Variants in MRTFB observed in about 807,000 individuals in gnomAD.
The protein encoded by MRTFB is myocardin related transcription factor B.
Under a neutral mutation model 104.2 loss-of-function variants are expected in MRTFB, and 29 were observed. The ratio of observed to expected loss-of-function variants is 0.28; its 90% CI spans 0.21 to 0.38. The LOEUF (loss-of-function observed/expected upper bound fraction) is 0.38. Among genes scored for constraint, MRTFB ranks in the 10% least tolerant of loss-of-function variants. The pLI, the probability that MRTFB is intolerant of heterozygous loss-of-function variation, is 1.00. For synonymous variants in MRTFB, 535 were observed against 519.5 expected (o/e 1.03, Z -0.41); for missense variants, 1,270 against 1,341.6 (o/e 0.95, Z 0.83).
chr16:14,253,421 TC>T (rs2043338729), intron 15 of MRTFB, among the ~76,000 whole-genome samples: 1 of 152,112 alleles, frequency 6.6e-6, no homozygotes, highest in African/African-American at 2.4e-5. Context: ...TTGTACCAGT[TC>T]TCCCGCTCCC....
intron 2 of MRTFB, among the ~76,000 whole-genome samples, chr16:14,085,271 C>A (rs541024837): frequency 6.6e-6 from 1 of 151,800 alleles, no homozygotes; most frequent in East Asian, 1.9e-4. Flanking sequence ...GCCTGGCCAA[C>A]ATGGTGGAAC....
intron 3 of MRTFB, chr16:14,195,376 A>T: frequency 3.5e-6 from 1 of 283,782 alleles, no homozygotes; most frequent in Non-Finnish European, 5.3e-6. Context: ...CACACAAGTT[A>T]TGGCAGTTCT....
intron 7 of MRTFB, 117 bp downstream of exon 7, chr16:14,217,404 A>G: frequency 1.2e-6 from 1 of 802,206 alleles, no homozygotes; most frequent in Non-Finnish European, 1.9e-6. Flanking sequence ...TGGGTTAATT[A>G]GAAATTAACA....
At chr16:14,121,172 G>T (rs1429397760) in intron 2 of MRTFB, among the ~76,000 whole-genome samples, 1 of 148,572 alleles carries the variant, frequency 6.7e-6, no homozygotes, top group East Asian at 2.0e-4. Flanking sequence ...CTGGTTCTTA[G>T]CATTGTCATT....
chr16:14,126,852 G>A (rs1449769436), intron 2 of MRTFB, among the ~76,000 whole-genome samples: 1 of 152,128 alleles, frequency 6.6e-6, no homozygotes, highest in Non-Finnish European at 1.5e-5. Context: ...CTAATTTGAC[G>A]AGATCTCTCC....
chr16:14,089,946 C>T (rs1414908879), intron 2 of MRTFB, among the ~76,000 whole-genome samples: 2 of 152,136 alleles, frequency 1.3e-5, no homozygotes, highest in African/African-American at 4.8e-5. Context: ...GAAATACCTA[C>T]TCAAATTATT....
At chr16:14,220,148 CCA>C (rs1396073674) in intron 8 of MRTFB, among the ~76,000 whole-genome samples, 3 of 152,106 alleles carry the variant, frequency 2.0e-5, no homozygotes, top group Non-Finnish European at 2.9e-5. Flanking sequence ...AGTGACCAAC[CCA>C]CAGTCTGAGG....
chr16:13,999,439 T>C, the MRTFB span, among the ~76,000 whole-genome samples: 1 of 144,792 alleles, frequency 6.9e-6, no homozygotes, highest in Non-Finnish European at 1.5e-5. Flanking sequence ...GGCTCTGGGA[T>C]GGGCACAGAA....
intron 3 of MRTFB, among the ~76,000 whole-genome samples, chr16:14,195,011 C>T (rs1164189472): frequency 6.6e-6 from 1 of 152,172 alleles, no homozygotes; most frequent in Non-Finnish European, 1.5e-5. Context: ...TGCACACAGG[C>T]TGGCAATTTC....
intron 3 of MRTFB, among the ~76,000 whole-genome samples, chr16:14,162,524 T>C (rs1427508564): frequency 3.9e-5 from 6 of 152,216 alleles, no homozygotes; most frequent in Middle Eastern, 3.2e-3. Flanking sequence ...ATTGTAATAC[T>C]TCACACAGTG....
chr16:14,161,337 C>G (rs953681514), intron 3 of MRTFB, among the ~76,000 whole-genome samples: 2 of 151,920 alleles, frequency 1.3e-5, no homozygotes, highest in Non-Finnish European at 2.9e-5. Flanking sequence ...TATTCAGTCA[C>G]CTGATTCATT....
the MRTFB span, among the ~76,000 whole-genome samples, chr16:14,003,311 C>T: frequency 6.6e-6 from 1 of 151,814 alleles, no homozygotes; most frequent in Non-Finnish European, 1.5e-5. Flanking sequence ...AGAAATGGTC[C>T]TGTCACTTCT....
At chr16:14,124,124 G>C (rs1451794297) in intron 2 of MRTFB, among the ~76,000 whole-genome samples, 1 of 152,194 alleles carries the variant, frequency 6.6e-6, no homozygotes, top group Non-Finnish European at 1.5e-5. Context: ...TGTATCCTGA[G>C]ACTTTGCTGA....
At chr16:14,255,636 A>G (rs2043446225) in intron 15 of MRTFB, among the ~76,000 whole-genome samples, 2 of 152,214 alleles carry the variant, frequency 1.3e-5, no homozygotes, top group African/African-American at 4.8e-5. Context: ...AGTGTATAGC[A>G]TGTGTAGACA....
chr16:14,074,940 T>C (rs2033946068), intron 1 of MRTFB, among the ~76,000 whole-genome samples: 1 of 152,244 alleles, frequency 6.6e-6, no homozygotes, highest in Admixed American at 6.5e-5. Context: ...GAAGAGCAGA[T>C]GGTGTGGTTA....
At chr16:14,252,141 C>T in intron 14 of MRTFB, 118 bp downstream of exon 14, 1 of 1,295,498 alleles carries the variant, frequency 7.7e-7, no homozygotes, top group Non-Finnish European at 1.1e-6. Context: ...GTTGAAAATA[C>T]AGTGATAACT....
chr16:14,212,674 T>C (rs781376455), intron 5 of MRTFB, among the ~76,000 whole-genome samples: 7 of 152,214 alleles, frequency 4.6e-5, no homozygotes, highest in Non-Finnish European at 8.8e-5. Flanking sequence ...CTTCGCTTTC[T>C]TGCTCTCAGA....
At chr16:14,014,727 G>C in the MRTFB span, among the ~76,000 whole-genome samples, 1 of 152,106 alleles carries the variant, frequency 6.6e-6, no homozygotes, top group African/African-American at 2.4e-5. Flanking sequence ...AATTAGCCGG[G>C]CATGGTGGTG....
At chr16:14,144,733 A>G (rs1434443388) in intron 3 of MRTFB, 1 of 151,930 alleles carries the variant, frequency 6.6e-6, no homozygotes, top group Non-Finnish European at 1.5e-5. Flanking sequence ...GCAGATCACA[A>G]GGTCAGGAGA....
Sources: gnomAD v4.1 joint callset for allele counts (sites outside exome capture counted in the v4.1 genomes callset) on GRCh38, gnomAD v4.1.1 for gene constraint, MANE v1.5 for transcripts, NCBI Gene and HGNC (gene_info 2026-07-23, HGNC 2026-07-21) for gene names.